TUSC3: variants seen among roughly 807,000 people sequenced by gnomAD.
TUSC3 encodes tumor suppressor candidate 3, also known as dolichyl-diphosphooligosaccharide--protein glycosyltransferase subunit TUSC3.
TUSC3 carries 45 observed loss-of-function variants against 44.8 expected under a neutral mutation model. The ratio of observed to expected loss-of-function variants is 1.00; its 90% confidence interval spans 0.79 to 1.29. TUSC3 has a LOEUF of 1.29. Among genes scored for constraint, TUSC3 ranks in the 50% most tolerant of loss-of-function variants. The pLI, the probability that TUSC3 is intolerant of heterozygous loss-of-function variation, is 0.00. For missense variants in TUSC3, 519 were observed against 437.9 expected (o/e 1.19, Z -1.65); for synonymous variants, 212 against 152.9 (o/e 1.39, Z -2.85).
the TUSC3 span, among the ~76,000 whole-genome samples, chr8:15,813,995 G>A: frequency 1.3e-5 from 2 of 152,086 alleles, no homozygotes; most frequent in Admixed American, 6.6e-5. Context: ...TACCTCACTG[G>A]GTAATTGTGA....
At chr8:15,611,971 C>A (rs1490995864) in intron 1 of TUSC3, among the ~76,000 whole-genome samples, 1 of 152,156 alleles carries the variant, frequency 6.6e-6, no homozygotes, top group Non-Finnish European at 1.5e-5. Flanking sequence ...TCATTGAACT[C>A]CTTAAATATT....
At chr8:15,842,799 A>G in the TUSC3 span, among the ~76,000 whole-genome samples, 3 of 152,180 alleles carry the variant, frequency 2.0e-5, no homozygotes, top group Non-Finnish European at 4.4e-5. Flanking sequence ...GTGGCACCAA[A>G]ATAGAGGAAA....
intron 2 of TUSC3, among the ~76,000 whole-genome samples, chr8:15,631,100 T>G (rs1805741926): frequency 1.3e-5 from 2 of 152,342 alleles, no homozygotes; most frequent in South Asian, 4.1e-4. Context: ...TTTGCAAGAC[T>G]GGGGAAGTGT....
chr8:15,793,670 G>A, the TUSC3 span, among the ~76,000 whole-genome samples: 1 of 152,126 alleles, frequency 6.6e-6, no homozygotes, highest in African/African-American at 2.4e-5. Flanking sequence ...CACCCTACTA[G>A]AATATAAGTT....
At chr8:15,467,824 C>T (rs1024299184) in intron 1 of TUSC3, among the ~76,000 whole-genome samples, 1 of 152,082 alleles carries the variant, frequency 6.6e-6, no homozygotes, top group East Asian at 1.9e-4. Flanking sequence ...ATCTTTTCTA[C>T]GTATGCTTCT....
the TUSC3 span, among the ~76,000 whole-genome samples, chr8:15,849,375 C>G: frequency 1.3e-5 from 2 of 152,112 alleles, no homozygotes; most frequent in African/African-American, 2.4e-5. Flanking sequence ...CTTGATCACC[C>G]TGGAATTCAT....
intron 1 of TUSC3, among the ~76,000 whole-genome samples, chr8:15,466,213 A>T (rs1452178916): frequency 1.6e-4 from 25 of 152,202 alleles, no homozygotes; most frequent in Non-Finnish European, 5.9e-5. Context: ...GCCAGGGCCT[A>T]ACTGTAGCAG....
chr8:15,806,389 T>C, the TUSC3 span: 37 of 738,820 alleles, frequency 5.0e-5, no homozygotes, highest in Non-Finnish European at 8.9e-5. Flanking sequence ...GCCTCCTTCT[T>C]CGCTGCTTCT....
chr8:15,717,448 A>G (rs549539298), intron 6 of TUSC3, among the ~76,000 whole-genome samples: 1 of 152,206 alleles, frequency 6.6e-6, no homozygotes, highest in East Asian at 1.9e-4. Flanking sequence ...AAAATTGTAC[A>G]TAATCTGGTA....
At chr8:15,587,050 C>T (rs911739982) in intron 1 of TUSC3, among the ~76,000 whole-genome samples, 4 of 152,112 alleles carry the variant, frequency 2.6e-5, no homozygotes, top group African/African-American at 4.8e-5. Flanking sequence ...TTTCTTACTC[C>T]CTTCGACATG....
intron 2 of TUSC3, among the ~76,000 whole-genome samples, chr8:15,627,782 G>T (rs927981481): frequency 6.6e-6 from 1 of 152,240 alleles, no homozygotes; most frequent in African/African-American, 2.4e-5. Context: ...AGCATGCCTG[G>T]CTGTGTGCAG....
chr8:15,510,879 G>A (rs1223192356), intron 2 of TUSC3, among the ~76,000 whole-genome samples: 1 of 152,106 alleles, frequency 6.6e-6, no homozygotes, highest in Non-Finnish European at 1.5e-5. Flanking sequence ...CTTTAAAATT[G>A]GCAGAGGGCT....
intron 1 of TUSC3, among the ~76,000 whole-genome samples, chr8:15,584,051 G>A (rs1468099028): frequency 6.6e-6 from 1 of 151,190 alleles, no homozygotes; most frequent in East Asian, 1.9e-4. Flanking sequence ...CTTAAAGGCA[G>A]TGTAATCAAA....
At chr8:15,594,650 A>G (rs907948301) in intron 1 of TUSC3, among the ~76,000 whole-genome samples, 8 of 152,128 alleles carry the variant, frequency 5.3e-5, no homozygotes, top group African/African-American at 1.2e-4. Flanking sequence ...TGAATACTCT[A>G]CATAATGTCT....
intron 2 of TUSC3, among the ~76,000 whole-genome samples, chr8:15,504,631 T>A (rs1445441698): frequency 2.6e-4 from 27 of 102,362 alleles, no homozygotes; most frequent in African/African-American, 7.3e-4. Context: ...ATTTTTTTTT[T>A]TTTTTTTTTT....
intron 6 of TUSC3, among the ~76,000 whole-genome samples, chr8:15,713,193 C>T (rs551260053): frequency 2.6e-5 from 4 of 152,182 alleles, no homozygotes; most frequent in Non-Finnish European, 4.4e-5. Context: ...TATTCTCTTC[C>T]GAATTTATCA....
chr8:15,580,817 A>C (rs563979246), intron 1 of TUSC3, among the ~76,000 whole-genome samples: 3,302 of 141,458 alleles, frequency 0.023, 364 homozygotes, highest in African/African-American at 0.086. Flanking sequence ...CTTCTCGAGG[A>C]GTATCTTTGT....
chr8:15,653,118 G>A (rs2129176518), intron 3 of TUSC3, among the ~76,000 whole-genome samples: 1 of 152,018 alleles, frequency 6.6e-6, no homozygotes, highest in Non-Finnish European at 1.5e-5. Context: ...CTTTACTACT[G>A]TAAGAAACAA....
chr8:15,742,996 A>G (rs544197353), intron 7 of TUSC3, among the ~76,000 whole-genome samples: 9 of 152,318 alleles, frequency 5.9e-5, no homozygotes, highest in South Asian at 2.1e-4. Flanking sequence ...GGGTCCTGCT[A>G]GATTCATTAA....
Sources: gnomAD v4.1 joint callset for allele counts (sites outside exome capture counted in the v4.1 genomes callset) on GRCh38, gnomAD v4.1.1 for gene constraint, MANE v1.5 for transcripts, NCBI Gene and HGNC (gene_info 2026-07-23, HGNC 2026-07-21) for gene names.